The following MRPL22 variants were observed in gnomAD, a reference collection of about 807,000 sequenced individuals.
The protein encoded by MRPL22 is mitochondrial ribosomal protein L22, also known as large ribosomal subunit protein uL22m.
In MRPL22, 27 loss-of-function variants were observed where a neutral mutation model predicts 32.4. The ratio of observed to expected loss-of-function variants is 0.83; its 90% CI spans 0.61 to 1.15. The LOEUF (loss-of-function observed/expected upper bound fraction) is 1.15, where lower values mean the gene tolerates loss of function less well. MRPL22 is among the 50% of genes most tolerant of loss of function. MRPL22 has a pLI of 0.00. For missense variants in MRPL22, 239 were observed against 260.2 expected, an observed-to-expected ratio of 0.92 and a Z score of 0.56; for synonymous variants, 86 against 87.3, an observed-to-expected ratio of 0.99 and a Z score of 0.08.
chr5:154,951,688 C>A (rs1764563650), intron 3 of MRPL22, among the ~76,000 whole-genome samples: 1 of 151,876 alleles, frequency 6.6e-6, no homozygotes, highest in African/African-American at 2.4e-5. Context: ...AGGTGCCCGC[C>A]ACGATGACCA....
chr5:154,955,496 C>T (rs1288738805), intron 3 of MRPL22: 1 of 152,176 alleles, frequency 6.6e-6, no homozygotes, highest in Non-Finnish European at 1.5e-5. Flanking sequence ...GACATTGTAT[C>T]AGGTGTATCA....
At chr5:154,945,653 A>G (rs1205406245) in intron 2 of MRPL22, among the ~76,000 whole-genome samples, 2 of 152,228 alleles carry the variant, frequency 1.3e-5, no homozygotes, top group Non-Finnish European at 2.9e-5. Flanking sequence ...GAGGGAGACA[A>G]GGAAACAACA....
chr5:154,950,964 C>G, intron 3 of MRPL22, 26 bp downstream of exon 3: 1 of 1,423,482 alleles, frequency 7.0e-7, no homozygotes, highest in Non-Finnish European at 9.9e-7. Flanking sequence ...GAACTAATCT[C>G]TTAATTGTGG....
At position 154,966,963 on chromosome 5, in the gene MRPL22, GA is replaced by G. The variant is rs1179484204; in HGVS notation, c.*68del. ...TATTTTCTAAAAATAAACAAAAATTGAAGGCAAATGCTTTTTATGATTTCTC... is the reference window on the plus strand; with the variant it reads ...TATTTTCTAAAAATAAACAAAAATTGAGGCAAATGCTTTTTATGATTTCTC... On this transcript the variant is annotated 3_prime_UTR_variant, in exon 7 of 7. Coordinates refer to ENST00000523037, the MANE Select transcript of MRPL22 (RefSeq NM_014180.4). 7.0e-7 allele frequency: 1 copy of G among 1,434,848 alleles called. No individual in the cohort carries two copies. Among genetic ancestry groups the G allele is most frequent in the Non-Finnish European group, 9.4e-7 (1 of 1,060,912 alleles). The allele number at this position is 1,434,848 out of a possible 1,614,324, so 88.9% of individuals were successfully genotyped here. A position where few individuals can be genotyped will look rare whatever the true frequency, so the allele number is the denominator to read the frequency against.
chr5:154,964,649 C>CTAA (rs1186267861), intron 6 of MRPL22, among the ~76,000 whole-genome samples: 1 of 152,112 alleles, frequency 6.6e-6, no homozygotes, highest in Non-Finnish European at 1.5e-5. Context: ...TGCAGATGAT[C>CTAA]TTTTATGGCT....
In MRPL22 at chr5:154,950,947, G is replaced by T. The variant is rs372754493; in HGVS notation, c.195+9G>T. ...AACCTCGGAGACCAGCAGTAAGTTC[G>T]TGGGTAGAACTAATCTCTTAATTGT... On this transcript the variant is annotated intron_variant, in intron 3 of 6. Coordinates refer to ENST00000523037, the MANE Select transcript of MRPL22 (RefSeq NM_014180.4). The T allele has an allele frequency of 6.5e-7, 1 of 1,535,760 alleles. No homozygotes were observed. Among genetic ancestry groups the T allele is most frequent in the African/African-American group, 1.4e-5 (1 of 72,908 alleles).
At chr5:154,951,908 A>G (rs867579734) in intron 3 of MRPL22, among the ~76,000 whole-genome samples, 1,613 of 126,408 alleles carry the variant, frequency 0.013, 30 homozygotes, top group African/African-American at 0.048. Context: ...TTTGAGATGG[A>G]GTCTCCCTCT....
intron 2 of MRPL22, among the ~76,000 whole-genome samples, chr5:154,948,065 G>A (rs527588500): frequency 1.3e-5 from 2 of 152,284 alleles, no homozygotes; most frequent in South Asian, 4.1e-4. Context: ...GTGGGCAGTA[G>A]GGAAATACCA....
chr5:154,943,816 C>A (rs1764453337), intron 2 of MRPL22, among the ~76,000 whole-genome samples: 1 of 151,936 alleles, frequency 6.6e-6, no homozygotes. Flanking sequence ...CAGGCGTGCA[C>A]TACTACACCT....
At chr5:154,948,394 C>T (rs886245554) in intron 2 of MRPL22, among the ~76,000 whole-genome samples, 1 of 152,208 alleles carries the variant, frequency 6.6e-6, no homozygotes, top group Admixed American at 6.5e-5. Context: ...ATCTCTTACT[C>T]TGTAGGTTTT....
intron 5 of MRPL22, among the ~76,000 whole-genome samples, chr5:154,958,005 C>G (rs1308941269): frequency 4.0e-5 from 6 of 151,100 alleles, no homozygotes; most frequent in African/African-American, 1.5e-4. Context: ...CAGTCTCCGC[C>G]TCCTGCGTTC....
At chr5:154,954,587 C>A (rs1488492682) in intron 3 of MRPL22, among the ~76,000 whole-genome samples, 1 of 152,130 alleles carries the variant, frequency 6.6e-6, no homozygotes, top group African/African-American at 2.4e-5. Context: ...GACATTTCAC[C>A]TGCCCAAAGT....
At position 154,960,016 on chromosome 5, in the gene MRPL22, C is replaced by T. The variant is rs755656952; in HGVS notation, c.376C>T (p.His126Tyr). 3 of 1,612,114 alleles carry T rather than the reference C, an allele frequency of 1.9e-6. No homozygotes were observed. The highest frequency in any genetic ancestry group is 1.3e-5 in the African/African-American group (1 of 74,956). ...AGCACAAGATATGGCAGTGAGAGAC[C>T]ATAACGTGGAATTCAGGTCCAATTT... ...LEAQDMAVRD[H>Y]NVEFRSNLYI... Residue 126 changes from histidine (H) to tyrosine (Y), a missense_variant, in exon 6 of 7, where the codon CAT (histidine) becomes TAT (tyrosine). His to Tyr is a moderately conservative substitution (Grantham distance 83, BLOSUM62 2). Transcript: ENST00000523037.
chr5:154,949,372 G>A (rs188769816), intron 2 of MRPL22, among the ~76,000 whole-genome samples: 32 of 152,234 alleles, frequency 2.1e-4, no homozygotes, highest in African/African-American at 7.5e-4. Context: ...CTATTCATTT[G>A]CTTATTTCAA....
rs1446773287 is a variant in MRPL22 at position 154,967,176 on chromosome 5, C to T, written c.*279C>T. 5.2e-6 allele frequency: 2 copies of T among 387,866 alleles called. No homozygotes were observed. The highest frequency in any genetic ancestry group is 1.1e-4 in the East Asian group (2 of 19,016). The allele number at this position is 387,866 out of a possible 1,614,324, so 24.0% of individuals were successfully genotyped here. Reference sequence around the variant, plus strand: ...GAGTAACTTTGAAAGGGAATGTTAACTTTCCAACTAGTGTCCTGCAGGTGG... The same window carrying T: ...GAGTAACTTTGAAAGGGAATGTTAATTTTCCAACTAGTGTCCTGCAGGTGG... On this transcript the variant is annotated 3_prime_UTR_variant, in exon 7 of 7. Transcript: ENST00000523037. This position sits in a 1 kb window ranked among gnomAD's most constrained non-coding sequence, Gnocchi z 4.7.
chr5:154,943,829 C>CT (rs543617054), intron 2 of MRPL22, among the ~76,000 whole-genome samples: 8 of 151,542 alleles, frequency 5.3e-5, no homozygotes, highest in Non-Finnish European at 1.0e-4. Context: ...CTACACCTGA[C>CT]TTTTTTTTGA....
rs913886790 is a variant in MRPL22, at chr5:154,969,098, G to A, written c.*2201G>A. 1.3e-5 allele frequency: 2 copies of A among 152,194 alleles called. No homozygotes were observed. The highest frequency in any genetic ancestry group is 3.9e-4 in the East Asian group (2 of 5,194). 9.4% of individuals were successfully genotyped at this position (152,194 alleles called of 1,614,324 possible). A position where few individuals can be genotyped will look rare whatever the true frequency, so the allele number is the denominator to read the frequency against. On this transcript the variant is annotated 3_prime_UTR_variant, in exon 7 of 7. Coordinates refer to ENST00000523037, the MANE Select transcript of MRPL22 (RefSeq NM_014180.4). ...ATGTTCAGTGATATGGTTTGGCTCT[G>A]TGTTCCCACCCAATCTTATCTCAAA... is the stretch of plus-strand genomic sequence containing the variant.
intron 5 of MRPL22, among the ~76,000 whole-genome samples, chr5:154,958,593 G>A (rs1764662124): frequency 7.3e-6 from 1 of 137,908 alleles, no homozygotes; most frequent in African/African-American, 2.7e-5. Flanking sequence ...CGCCCAGGCT[G>A]GAGTACAGTG....
At position 154,959,959 on chromosome 5, in the gene MRPL22, CTTTTCT is replaced by C; in HGVS notation, c.340-13_340-8del. 6.3e-7 allele frequency: 1 copy of C among 1,586,750 alleles called. No individual in the cohort carries two copies. Among genetic ancestry groups the C allele is most frequent in the Non-Finnish European group, 8.6e-7 (1 of 1,160,510 alleles). On this transcript the variant is annotated splice_polypyrimidine_tract_variant and intron_variant, in intron 5 of 6. Transcript: ENST00000523037. ...TACTTCAGGTTTAGCCGTATAAATG[CTTTTCT>C]TTTTCTTATTTAAGGTTCTCTTAGA...
Sources: allele counts gnomAD v4.1 joint callset (sites outside exome capture counted in the v4.1 genomes callset), GRCh38; gene constraint gnomAD v4.1.1; non-coding constraint Gnocchi (gnomAD v3.1); transcripts MANE v1.5; gene names NCBI Gene and HGNC (gene_info 2026-07-23, HGNC 2026-07-21).